RALY: variants seen among roughly 807,000 people sequenced by gnomAD.
RALY encodes the protein RALY heterogeneous nuclear ribonucleoprotein, also known as RNA-binding protein Raly.
RALY carries 15 observed loss-of-function variants against 30.7 expected under a neutral mutation model. The observed-to-expected ratio is 0.49, with a 90% confidence interval of 0.33 to 0.75. The LOEUF is 0.75. Among genes scored for constraint, RALY ranks in the 30% least tolerant of loss-of-function variants. RALY has a pLI of 0.02. For missense variants in RALY, 339 were observed against 414.3 expected (o/e 0.82, Z 1.58); for synonymous variants, 177 against 170.8 (o/e 1.04, Z -0.28).
chr20:34,002,310 G>A (rs1355249180), intron 1 of RALY, among the ~76,000 whole-genome samples: 3 of 152,144 alleles, frequency 2.0e-5, no homozygotes, highest in African/African-American at 7.2e-5. Flanking sequence ...CTTAGTTGCC[G>A]TGGCATGATT....
Position 33,994,077 on chromosome 20 carries a change from C to G in RALY, c.-147C>G, listed in dbSNP as rs1032458430. On this transcript the variant is annotated 5_prime_UTR_variant, in exon 1 of 10. Coordinates refer to ENST00000246194, the MANE Select transcript of RALY (RefSeq NM_016732.3). ...CCTCCCTCCCTTACGTCCCCGAGTGCGGCAGTACCGCCTCCTTCCCAGCCG... is the reference window on the plus strand; with the variant it reads ...CCTCCCTCCCTTACGTCCCCGAGTGGGGCAGTACCGCCTCCTTCCCAGCCG... The G allele has an allele frequency of 6.6e-6, 1 of 152,364 alleles. No homozygotes were observed. Among genetic ancestry groups the G allele is most frequent in the Non-Finnish European group, 1.5e-5 (1 of 68,160 alleles). 9.4% of individuals were successfully genotyped at this position (152,364 alleles called of 1,614,324 possible). A position where few individuals can be genotyped will look rare whatever the true frequency, so the allele number is the denominator to read the frequency against.
intron 1 of RALY, among the ~76,000 whole-genome samples, chr20:34,013,893 T>G (rs2031507962): frequency 6.6e-6 from 1 of 152,194 alleles, no homozygotes; most frequent in African/African-American, 2.4e-5. Context: ...TATAGTTTGG[T>G]GTTGAGTGCT....
intron 2 of RALY, among the ~76,000 whole-genome samples, chr20:34,040,939 C>G (rs2032677675): frequency 6.6e-6 from 1 of 152,148 alleles, no homozygotes; most frequent in Non-Finnish European, 1.5e-5. Context: ...TGGGAGTACC[C>G]AAGAATAGGC....
intron 5 of RALY, among the ~76,000 whole-genome samples, chr20:34,074,525 T>C (rs1446915838): frequency 6.6e-6 from 1 of 152,146 alleles, no homozygotes; most frequent in Non-Finnish European, 1.5e-5. Context: ...ACAGTGCCTC[T>C]CTGAGCATGA....
At position 34,077,222 on chromosome 20, in the gene RALY, C is replaced by T. The variant is rs6057975; in HGVS notation, c.853C>T (p.Leu285=). 6.2e-7 allele frequency: 1 copy of T among 1,613,830 alleles called. No homozygotes were observed. Among genetic ancestry groups the T allele is most frequent in the Admixed American group, 1.7e-5 (1 of 60,010 alleles). The change falls in exon 8 of 10, where the codon CTG becomes TTG. Residue 285 remains leucine, a synonymous_variant. Transcript: ENST00000246194. ...AGACGACGGCGATGAGGAAGGGCTC[C>T]TGACACACAGCGAGGAAGAGCTGGT... ...TRDDGDEEGL[L]THSEEELEHS...
chr20:34,076,570 C>T, intron 6 of RALY, 132 bp from the exon 7 acceptor site: 1 of 755,146 alleles, frequency 1.3e-6, no homozygotes, highest in South Asian at 1.8e-5. Flanking sequence ...AGACCTTTTT[C>T]CTAAGCAGGG....
intron 1 of RALY, among the ~76,000 whole-genome samples, chr20:34,017,271 A>G (rs1249399820): frequency 6.6e-6 from 1 of 152,214 alleles, no homozygotes; most frequent in African/African-American, 2.4e-5. Context: ...AAGGAAAGGA[A>G]ACTGAAGCTC....
At position 34,076,791 on chromosome 20, in the gene RALY, G is replaced by A. The variant is rs746684649; in HGVS notation, c.634G>A (p.Ala212Thr). ...CCTGCTGAGCCGCTTGGAGCAGATC[G>A]CTGCGGAGCAAAAGGCCAATCCAGG... ...DALLSRLEQI[A>T]AEQKANPDGK... Residue 212 changes from alanine (A) to threonine (T), a missense_variant, in exon 7 of 10, where the codon GCT (alanine) becomes ACT (threonine). Ala to Thr is a moderately conservative substitution (Grantham distance 58, BLOSUM62 0). Around this residue, in one of 2 missense-constraint regions of RALY, gnomAD observed 268 missense variants for 280.6 expected, o/e 0.95. Coordinates refer to ENST00000246194, the MANE Select transcript of RALY (RefSeq NM_016732.3). 3.9e-5 allele frequency: 63 copies of A among 1,613,950 alleles called. No individual in the cohort carries two copies. The highest frequency in any genetic ancestry group is 6.7e-5 in the African/African-American group (5 of 74,934).
At chr20:34,063,221 G>A (rs569845042) in intron 2 of RALY, among the ~76,000 whole-genome samples, 5 of 152,326 alleles carry the variant, frequency 3.3e-5, no homozygotes, top group South Asian at 2.1e-4. Context: ...TACTCCACAA[G>A]TATTGATGAT....
chr20:34,025,882 G>A (rs949079995), intron 1 of RALY, among the ~76,000 whole-genome samples: 1 of 142,060 alleles, frequency 7.0e-6, no homozygotes, highest in African/African-American at 2.6e-5. Context: ...CTAGCTTCCA[G>A]CAGTAGATTC....
chr20:34,051,114 C>T (rs1267283200), intron 2 of RALY, among the ~76,000 whole-genome samples: 1 of 152,154 alleles, frequency 6.6e-6, no homozygotes, highest in Non-Finnish European at 1.5e-5. Flanking sequence ...GTTTCAAATG[C>T]CCCTAATATT....
chr20:34,061,711 C>T (rs748446747), intron 2 of RALY, among the ~76,000 whole-genome samples: 2 of 152,166 alleles, frequency 1.3e-5, no homozygotes, highest in Non-Finnish European at 2.9e-5. Flanking sequence ...CTGCTATGCA[C>T]TGTATGTGTA....
At chr20:34,044,882 G>A (rs927859708) in intron 2 of RALY, among the ~76,000 whole-genome samples, 1 of 152,166 alleles carries the variant, frequency 6.6e-6, no homozygotes, top group Non-Finnish European at 1.5e-5. Flanking sequence ...ATACAGTAAT[G>A]AACAAAACAA....
intron 2 of RALY, among the ~76,000 whole-genome samples, chr20:34,034,212 A>G (rs1031127515): frequency 6.6e-6 from 1 of 152,120 alleles, no homozygotes; most frequent in Non-Finnish European, 1.5e-5. Flanking sequence ...CTCACATTTT[A>G]TGGAGGCCAT....
At chr20:34,077,359 C>G (rs1314933171) in intron 8 of RALY, 114 bp downstream of exon 8, 43 of 1,549,590 alleles carry the variant, frequency 2.8e-5, no homozygotes, top group African/African-American at 4.1e-5. Context: ...TTCCTGTTCT[C>G]TCCTTCCCAG....
chr20:34,020,994 C>T (rs1050127782), intron 1 of RALY, among the ~76,000 whole-genome samples: 14 of 151,718 alleles, frequency 9.2e-5, no homozygotes, highest in East Asian at 3.9e-4. Context: ...CAGAGTCTCA[C>T]TCAGTCACCC....
In RALY at chr20:34,083,537, A is replaced by T. The variant is rs780431649; in HGVS notation, c.*3632A>T. On this transcript the variant is annotated 3_prime_UTR_variant, in exon 10 of 10. Coordinates refer to ENST00000246194, the MANE Select transcript of RALY (RefSeq NM_016732.3). ...GGAGCTTCAAAATATGGCCATATTTAAAAAATCTACCTCAGGACTCATTTC... is the reference window on the plus strand; with the variant it reads ...GGAGCTTCAAAATATGGCCATATTTTAAAAATCTACCTCAGGACTCATTTC... 55 of 152,378 alleles carry T rather than the reference A, an allele frequency of 3.6e-4. No individual in the cohort carries two copies. Among genetic ancestry groups the T allele is most frequent in the East Asian group, 1.9e-4 (1 of 5,194 alleles). 9.4% of individuals were successfully genotyped at this position (152,378 alleles called of 1,614,324 possible). A position where few individuals can be genotyped will look rare whatever the true frequency, so the allele number is the denominator to read the frequency against.
chr20:34,058,119 G>A (rs2033308364), intron 2 of RALY, among the ~76,000 whole-genome samples: 1 of 151,984 alleles, frequency 6.6e-6, no homozygotes, highest in Non-Finnish European at 1.5e-5. Flanking sequence ...TTCTTTCTAA[G>A]ACAATGACAA....
At chr20:34,017,186 C>T (rs1327446533) in intron 1 of RALY, among the ~76,000 whole-genome samples, 2 of 140,822 alleles carry the variant, frequency 1.4e-5, no homozygotes, top group African/African-American at 5.4e-5. Context: ...GGAAAAATCA[C>T]TTATTGAATA....
Sources: allele counts gnomAD v4.1 joint callset (sites outside exome capture counted in the v4.1 genomes callset), GRCh38; gene constraint gnomAD v4.1.1; regional missense constraint gnomAD v4.1.1; transcripts MANE v1.5; gene names NCBI Gene and HGNC (gene_info 2026-07-23, HGNC 2026-07-21).